Variants in SRPK2 observed in about 807,000 individuals in gnomAD.
SRPK2 encodes SFRS protein kinase 2.
Under a neutral mutation model 90.8 loss-of-function variants are expected in SRPK2, and 21 were observed. That is an observed-to-expected ratio of 0.23 (90% CI 0.16 to 0.33). SRPK2 has a LOEUF of 0.33. SRPK2 is among the 10% of genes least tolerant of loss of function. The probability of loss-of-function intolerance (pLI) is 1.00; values close to 1 mark genes in which losing one functional copy is unlikely to be tolerated. For synonymous variants in SRPK2, 288 were observed against 311.1 expected, an observed-to-expected ratio of 0.93 and a Z score of 0.78; for missense variants, 620 against 869.0, an observed-to-expected ratio of 0.71 and a Z score of 3.60.
At chr7:105,193,506 G>T (rs1362500931) in intron 3 of SRPK2, among the ~76,000 whole-genome samples, 1 of 152,146 alleles carries the variant, frequency 6.6e-6, no homozygotes, top group African/African-American at 2.4e-5. Context: ...GTCTTGCTTT[G>T]ACTATGCAGA....
At chr7:105,336,455 A>G (rs1383221216) in intron 2 of SRPK2, among the ~76,000 whole-genome samples, 1 of 151,820 alleles carries the variant, frequency 6.6e-6, no homozygotes, top group East Asian at 1.9e-4. Flanking sequence ...TACAACTCAA[A>G]CATGTATATG....
chr7:105,283,710 A>C (rs1807651013), intron 2 of SRPK2, among the ~76,000 whole-genome samples: 1 of 152,198 alleles, frequency 6.6e-6, no homozygotes, highest in African/African-American at 2.4e-5. Flanking sequence ...AAATATTGTG[A>C]ATATGCTAAA....
At chr7:105,269,694 A>C (rs1262767417) in intron 2 of SRPK2, among the ~76,000 whole-genome samples, 1 of 152,234 alleles carries the variant, frequency 6.6e-6, no homozygotes, top group African/African-American at 2.4e-5. Context: ...AGGAAGGGTG[A>C]AAATAAGAGA....
At chr7:105,256,746 G>A (rs187998194) in intron 2 of SRPK2, among the ~76,000 whole-genome samples, 35 of 152,190 alleles carry the variant, frequency 2.3e-4, no homozygotes, top group Admixed American at 1.8e-3. Flanking sequence ...AAACTTGCCC[G>A]GTATTTCTAC....
intron 7 of SRPK2, among the ~76,000 whole-genome samples, chr7:105,157,088 C>A (rs534954177): frequency 6.6e-6 from 1 of 152,220 alleles, no homozygotes; most frequent in South Asian, 2.1e-4. Context: ...ATTGGATGGG[C>A]TGTATGCACA....
chr7:105,306,444 C>A, intron 2 of SRPK2: 1 of 436,488 alleles, frequency 2.3e-6, no homozygotes, highest in Non-Finnish European at 4.5e-6. Context: ...ACCTAAGAGA[C>A]CACATCACTG....
chr7:105,146,936 T>G (rs1463456576), intron 7 of SRPK2, among the ~76,000 whole-genome samples: 1 of 152,194 alleles, frequency 6.6e-6, no homozygotes, highest in Non-Finnish European at 1.5e-5. Flanking sequence ...TTGAACTGCA[T>G]GGGTTCCCTT....
At chr7:105,209,655 G>C (rs1162593407) in intron 2 of SRPK2, among the ~76,000 whole-genome samples, 1 of 151,260 alleles carries the variant, frequency 6.6e-6, no homozygotes, top group East Asian at 1.9e-4. Flanking sequence ...ATGGAGAAAG[G>C]GGAAAGCAAA....
intron 11 of SRPK2, among the ~76,000 whole-genome samples, chr7:105,136,196 T>C (rs760025676): frequency 1.3e-5 from 2 of 152,212 alleles, no homozygotes; most frequent in Non-Finnish European, 2.9e-5. Flanking sequence ...GCGTTCCAAA[T>C]GATGCTAGGT....
chr7:105,329,339 G>A (rs1461586883), intron 2 of SRPK2, among the ~76,000 whole-genome samples: 1 of 152,138 alleles, frequency 6.6e-6, no homozygotes, highest in Non-Finnish European at 1.5e-5. Flanking sequence ...AGAAGAGTGG[G>A]TATTAAAAGA....
At chr7:105,273,934 T>G (rs1806159326) in intron 2 of SRPK2, among the ~76,000 whole-genome samples, 1 of 152,218 alleles carries the variant, frequency 6.6e-6, no homozygotes. Context: ...ATTTTAGAAC[T>G]AGACTGATCC....
intron 2 of SRPK2, among the ~76,000 whole-genome samples, chr7:105,297,700 T>C (rs1231658543): frequency 2.0e-5 from 3 of 152,092 alleles, no homozygotes; most frequent in African/African-American, 7.2e-5. Flanking sequence ...TTACATTAAT[T>C]ACTTTTGTTT....
chr7:105,328,722 G>A (rs1257357797), intron 2 of SRPK2, among the ~76,000 whole-genome samples: 7 of 150,688 alleles, frequency 4.6e-5, no homozygotes, highest in Admixed American at 2.0e-4. Flanking sequence ...AAAATTAGCC[G>A]GGCATAGCGG....
intron 2 of SRPK2, among the ~76,000 whole-genome samples, chr7:105,351,406 C>T (rs1290741083): frequency 6.6e-6 from 1 of 152,038 alleles, no homozygotes; most frequent in African/African-American, 2.4e-5. Context: ...CCCTGTAATC[C>T]CAGCACTCTG....
intron 2 of SRPK2, among the ~76,000 whole-genome samples, chr7:105,323,981 G>GTGTA (rs1813242157): frequency 1.4e-5 from 1 of 72,860 alleles, no homozygotes; most frequent in Non-Finnish European, 2.9e-5. Context: ...GTGTGTGTGT[G>GTGTA]TGTGTGTGTG....
At chr7:105,269,092 T>A in intron 2 of SRPK2, 1 of 1,178,864 alleles carries the variant, frequency 8.5e-7, no homozygotes, top group Admixed American at 3.5e-5. Context: ...AAGCAGGAAG[T>A]ACCATTTCTT....
intron 15 of SRPK2, among the ~76,000 whole-genome samples, chr7:105,119,131 G>C (rs1187198295): frequency 6.8e-6 from 1 of 147,932 alleles, no homozygotes; most frequent in Non-Finnish European, 1.5e-5. Context: ...TGGGGGGAGA[G>C]AGGCATTCAA....
At chr7:105,357,048 T>C (rs1179125253) in intron 2 of SRPK2, among the ~76,000 whole-genome samples, 1 of 152,044 alleles carries the variant, frequency 6.6e-6, no homozygotes, top group Non-Finnish European at 1.5e-5. Flanking sequence ...TTTTTTTTTT[T>C]TTTTTGAGAC....
intron 2 of SRPK2, among the ~76,000 whole-genome samples, chr7:105,348,645 A>C (rs920933956): frequency 6.6e-6 from 1 of 150,814 alleles, no homozygotes; most frequent in Admixed American, 6.6e-5. Context: ...CTGGTGTTCA[A>C]CTACTGACCT....
Sources: gnomAD v4.1 joint callset for allele counts (sites outside exome capture counted in the v4.1 genomes callset) on GRCh38, gnomAD v4.1.1 for gene constraint, MANE v1.5 for transcripts, NCBI Gene and HGNC (gene_info 2026-07-23, HGNC 2026-07-21) for gene names.